CADM1: variants seen among roughly 807,000 people sequenced by gnomAD.
CADM1 encodes the protein TSLC-1.
A neutral mutation model predicts 53.1 loss-of-function variants in CADM1; 15 were observed. The observed-to-expected ratio is 0.28, with a 90% CI of 0.19 to 0.44. The LOEUF (loss-of-function observed/expected upper bound fraction) is 0.44, where lower values mean the gene tolerates loss of function less well. CADM1 is among the 20% of genes least tolerant of loss of function. CADM1 has a pLI of 1.00. For synonymous variants in CADM1, 281 were observed against 243.0 expected (o/e 1.16, Z -1.45); for missense variants, 434 against 611.3 (o/e 0.71, Z 3.06).
At chr11:115,434,860 A>ATTTTT (rs35368859) in intron 1 of CADM1, among the ~76,000 whole-genome samples, 5 of 132,826 alleles carry the variant, frequency 3.8e-5, no homozygotes, top group Non-Finnish European at 6.5e-5. Flanking sequence ...TATTATTATT[A>ATTTTT]TTATTTTTTT....
intron 1 of CADM1, among the ~76,000 whole-genome samples, chr11:115,342,627 A>T (rs1051395478): frequency 6.6e-6 from 1 of 151,988 alleles, no homozygotes; most frequent in Non-Finnish European, 1.5e-5. Context: ...TAGATATCTA[A>T]TTTTTTCATC....
At chr11:115,438,154 GA>G (rs1438258630) in intron 1 of CADM1, among the ~76,000 whole-genome samples, 1 of 152,134 alleles carries the variant, frequency 6.6e-6, no homozygotes, top group Non-Finnish European at 1.5e-5. Flanking sequence ...CCTAGTCTCA[GA>G]ACAAAGAGTC....
chr11:115,469,721 G>C (rs985252862), intron 1 of CADM1, among the ~76,000 whole-genome samples: 2 of 140,776 alleles, frequency 1.4e-5, no homozygotes, highest in Non-Finnish European at 3.0e-5. Flanking sequence ...GCCCAAGCTG[G>C]AGTGCAGTGG....
At chr11:115,256,865 G>A (rs754900473) in intron 1 of CADM1, 74 of 455,926 alleles carry the variant, frequency 1.6e-4, no homozygotes, top group Middle Eastern at 3.2e-4. Context: ...ATTGCAATGG[G>A]AGCAGATCTC....
At chr11:115,497,401 G>A (rs937207905) in intron 1 of CADM1, among the ~76,000 whole-genome samples, 1 of 152,122 alleles carries the variant, frequency 6.6e-6, no homozygotes, top group African/African-American at 2.4e-5. Flanking sequence ...TCTCAGTGCT[G>A]GGTTTTTCTC....
chr11:115,193,431 G>A (rs1420661108), intron 9 of CADM1, among the ~76,000 whole-genome samples: 1 of 152,190 alleles, frequency 6.6e-6, no homozygotes. Flanking sequence ...ATATATGCAT[G>A]ATAGCCATCT....
chr11:115,411,785 C>G (rs1947465961), intron 1 of CADM1, among the ~76,000 whole-genome samples: 1 of 152,018 alleles, frequency 6.6e-6, no homozygotes, highest in Non-Finnish European at 1.5e-5. Context: ...CACTGGTAAG[C>G]TGGAACTCCC....
intron 1 of CADM1, among the ~76,000 whole-genome samples, chr11:115,341,695 T>C (rs565222413): frequency 6.6e-6 from 1 of 152,210 alleles, no homozygotes; most frequent in Non-Finnish European, 1.5e-5. Context: ...GCTCACAGCA[T>C]TGGTTCGTGG....
At chr11:115,427,517 GGATAGAT>G (rs1421918245) in intron 1 of CADM1, among the ~76,000 whole-genome samples, 1 of 152,024 alleles carries the variant, frequency 6.6e-6, no homozygotes, top group African/African-American at 2.4e-5. Context: ...ATAGATAGAT[GGATAGAT>G]GATAGATGAC....
chr11:115,466,574 G>C (rs2135383226), intron 1 of CADM1, among the ~76,000 whole-genome samples: 1 of 152,306 alleles, frequency 6.6e-6, no homozygotes, highest in African/African-American at 2.4e-5. Flanking sequence ...CAAATGTTTA[G>C]CACGTGTCTT....
chr11:115,437,864 G>A (rs1354139560), intron 1 of CADM1, among the ~76,000 whole-genome samples: 1 of 152,100 alleles, frequency 6.6e-6, no homozygotes, highest in Non-Finnish European at 1.5e-5. Context: ...GAGAATTTGA[G>A]GAAGTGTTTC....
At chr11:115,229,080 T>C in intron 5 of CADM1, 33 bp downstream of exon 5, 5 of 1,611,568 alleles carry the variant, frequency 3.1e-6, no homozygotes, top group Non-Finnish European at 4.2e-6. Context: ...ACTGCAACTC[T>C]ACGCCCTCAG....
chr11:115,385,640 A>C (rs1946682300), intron 1 of CADM1, among the ~76,000 whole-genome samples: 1 of 151,774 alleles, frequency 6.6e-6, no homozygotes, highest in African/African-American at 2.4e-5. Context: ...AAAGAAAAAA[A>C]AAAAAAAAAG....
At chr11:115,472,711 G>A (rs1190793736) in intron 1 of CADM1, among the ~76,000 whole-genome samples, 1 of 152,124 alleles carries the variant, frequency 6.6e-6, no homozygotes, top group African/African-American at 2.4e-5. Context: ...GTTCTCACAT[G>A]CACAAACCCT....
chr11:115,478,567 T>C (rs1271388268), intron 1 of CADM1, among the ~76,000 whole-genome samples: 1 of 152,080 alleles, frequency 6.6e-6, no homozygotes, highest in East Asian at 1.9e-4. Context: ...GCTTTGTATC[T>C]TCTCTCTTTC....
At chr11:115,364,095 C>A (rs1351652036) in intron 1 of CADM1, among the ~76,000 whole-genome samples, 1 of 151,908 alleles carries the variant, frequency 6.6e-6, no homozygotes. Context: ...CATTGCCTAA[C>A]AACGCATTTC....
chr11:115,200,467 T>G (rs1361451365), intron 8 of CADM1, among the ~76,000 whole-genome samples: 1 of 152,214 alleles, frequency 6.6e-6, no homozygotes, highest in Admixed American at 6.5e-5. Flanking sequence ...TCATTATTTT[T>G]GTAGTAGCTC....
intron 1 of CADM1, among the ~76,000 whole-genome samples, chr11:115,432,664 T>C (rs910934985): frequency 6.6e-6 from 1 of 152,216 alleles, no homozygotes; most frequent in African/African-American, 2.4e-5. Context: ...TTACCCAAAC[T>C]TCCTGCACGG....
intron 1 of CADM1, among the ~76,000 whole-genome samples, chr11:115,285,373 T>TA (rs1943704445): frequency 6.6e-6 from 1 of 152,248 alleles, no homozygotes; most frequent in African/African-American, 2.4e-5. Context: ...GTACTTTAGA[T>TA]ACATTAGTTC....
Sources: gnomAD v4.1 joint callset for allele counts (sites outside exome capture counted in the v4.1 genomes callset) on GRCh38, gnomAD v4.1.1 for gene constraint, MANE v1.5 for transcripts, NCBI Gene and HGNC (gene_info 2026-07-23, HGNC 2026-07-21) for gene names.